IZUMO1: variants seen among roughly 807,000 people sequenced by gnomAD.
IZUMO1 encodes the protein izumo sperm-egg fusion protein 1.
In IZUMO1, 44 loss-of-function variants were observed where a neutral mutation model predicts 40.7. The ratio of observed to expected loss-of-function variants is 1.08; its 90% CI spans 0.85 to 1.39. IZUMO1 has a LOEUF of 1.39. Ranked by LOEUF, IZUMO1 falls within the 40% of genes most tolerant of loss-of-function variation. The probability of loss-of-function intolerance (pLI) is 0.00; values close to 1 mark genes in which losing one functional copy is unlikely to be tolerated. For missense variants in IZUMO1, 368 were observed against 436.9 expected (o/e 0.84, Z 1.41); for synonymous variants, 149 against 170.9 (o/e 0.87, Z 1.00).
intron 6 of IZUMO1, 62 bp from the exon 7 acceptor site, chr19:48,742,371 G>A (rs945376987): frequency 8.6e-7 from 1 of 1,158,536 alleles, no homozygotes; most frequent in Non-Finnish European, 1.3e-6. Flanking sequence ...TTTTTGAGAT[G>A]GAGACTCGCT....
At chr19:48,746,301 G>C (rs2033882740) in intron 1 of IZUMO1, 134 bp downstream of exon 1, 1 of 1,014,618 alleles carries the variant, frequency 9.9e-7, no homozygotes, top group Admixed American at 5.1e-5. Flanking sequence ...CAACACCGAG[G>C]CACTCCCCCG....
Position 48,745,867 on chromosome 19 carries a change from G to C in IZUMO1, c.-8C>G. ...GGTAAAATGCGGCCCCATTGCAGCC[G>C]GCGCGCACAGTTCCCGAAGACCGTT... On this transcript the variant is annotated 5_prime_UTR_variant, in exon 2 of 10. Transcript: ENST00000332955. The C allele has an allele frequency of 6.2e-7, 1 of 1,613,946 alleles. No individual in the cohort carries two copies. Among genetic ancestry groups the C allele is most frequent in the Non-Finnish European group, 8.5e-7 (1 of 1,179,936 alleles).
Position 48,746,630 on chromosome 19 carries a change from G to A in IZUMO1, c.-269C>T. On this transcript the variant is annotated 5_prime_UTR_variant, in exon 1 of 10. Coordinates refer to ENST00000332955, the MANE Select transcript of IZUMO1 (RefSeq NM_182575.3). The stretch of plus-strand genomic sequence containing the variant: ...CCCTAAACAGCCGCTCCCCGACCTT[G>A]GTTCCCGATTTGTGGCCTCTAACAC... 2.0e-6 allele frequency: 2 copies of A among 985,472 alleles called. No homozygotes were observed. Among genetic ancestry groups the A allele is most frequent in the Middle Eastern group, 1.0e-3 (2 of 1,914 alleles). 61.0% of individuals were successfully genotyped at this position (985,472 alleles called of 1,614,324 possible).
At position 48,744,467 on chromosome 19, in the gene IZUMO1, C is replaced by A. The variant is rs774644494; in HGVS notation, c.383G>T (p.Arg128Leu). ...TCTTCTCTCACCCTCTTTTTGGAATCGAGCAACATAGGTGGCAAAGGTTTC... is the reference window on the plus strand; with the variant it reads ...TCTTCTCTCACCCTCTTTTTGGAATAGAGCAACATAGGTGGCAAAGGTTTC... The part of the protein sequence containing the change: ...QKETFATYVA[R>L]FQKEAYCPNK... The change falls in exon 4 of 10, where the codon CGA becomes CTA. Residue 128 changes from arginine (R) to leucine (L), a missense_variant. Transcript: ENST00000332955. 7.4e-6 allele frequency: 12 copies of A among 1,613,066 alleles called. No homozygotes were observed. In the Admixed American group the frequency reaches 2.0e-4, roughly 27 times the overall value.
Position 48,742,209 on chromosome 19 carries a change from C to T in IZUMO1, c.600G>A (p.Arg200=), listed in dbSNP as rs1450281722. 1 of 1,609,836 alleles carries T rather than the reference C, an allele frequency of 6.2e-7. No homozygotes were observed. The highest frequency in any genetic ancestry group is 8.5e-7 in the Non-Finnish European group (1 of 1,176,136). Residue 200 remains arginine (R), a splice_region_variant and synonymous_variant, in exon 7 of 10, where the codon AGG becomes AGA. Coordinates refer to ENST00000332955, the MANE Select transcript of IZUMO1 (RefSeq NM_182575.3). ...GGGTTACAGAAGTTGAGGCCCTCAC[C>T]CTGTAAAAGCTGTAATCAGTGAGGC... ...SEGLTDYSFY[R]VWGNNTETLV...
At position 48,745,231 on chromosome 19, in the gene IZUMO1, G is replaced by A; in HGVS notation, c.293C>T (p.Thr98Ile). 2.5e-6 allele frequency: 4 copies of A among 1,613,926 alleles called. No homozygotes were observed. The highest frequency in any genetic ancestry group is 3.4e-6 in the Non-Finnish European group (4 of 1,179,852). Residue 98 changes from threonine to isoleucine, a missense_variant, in exon 3 of 10, where the codon ACA becomes ATA. Transcript: ENST00000332955. ...GCATTTACCTTTTACATCACTGTCT[G>A]TGATGCGTTTCAGATCCTTCAGCAA... is the stretch of plus-strand genomic sequence containing the variant. Reference protein sequence around the residue: ...WSLLKDLKRITDSDVKGDLFV... With the variant: ...WSLLKDLKRIIDSDVKGDLFV...
At chr19:48,743,014 G>A (rs1249597029) in intron 6 of IZUMO1, 1 of 160,612 alleles carries the variant, frequency 6.2e-6, no homozygotes, top group Non-Finnish European at 1.4e-5. Context: ...ACAGGCGTGA[G>A]CCAGCGCGCC....
chr19:48,741,635 A>G lies in IZUMO1; in HGVS notation c.754+154T>C. The G allele has an allele frequency of 8.0e-7, 1 of 1,244,616 alleles. No homozygotes were observed. The highest frequency in any genetic ancestry group is 1.1e-6 in the Non-Finnish European group (1 of 911,588). The allele number at this position is 1,244,616 out of a possible 1,614,324, so 77.1% of individuals were successfully genotyped here. ...CAAGGGAACCCCTGTCCTCGGGGCC[A>G]GAGGCCACGCCCCCGGCAGGAAGCC... On this transcript the variant is annotated intron_variant, in intron 8 of 9. Coordinates refer to ENST00000332955, the MANE Select transcript of IZUMO1 (RefSeq NM_182575.3). This position sits in a 1 kb window ranked among gnomAD's most constrained non-coding sequence, Gnocchi z 4.4.
chr19:48,741,168 C>T lies in IZUMO1; in HGVS notation c.932+133G>A, dbSNP rs891530873. On this transcript the variant is annotated intron_variant, in intron 9 of 9. Coordinates refer to ENST00000332955, the MANE Select transcript of IZUMO1 (RefSeq NM_182575.3). This position sits in a 1 kb window ranked among gnomAD's most constrained non-coding sequence, Gnocchi z 4.4. ...GCCCTTCGAAGTCCTCCTATTCAAG[C>T]CCCCCGCACTCCATCCCCAGGAAAG... 7.0e-7 allele frequency: 1 copy of T among 1,438,122 alleles called. No homozygotes were observed. Among genetic ancestry groups the T allele is most frequent in the Non-Finnish European group, 9.4e-7 (1 of 1,067,100 alleles). 89.1% of individuals were successfully genotyped at this position (1,438,122 alleles called of 1,614,324 possible).
intron 4 of IZUMO1, 116 bp from the exon 5 acceptor site, chr19:48,744,311 G>T: frequency 7.8e-7 from 1 of 1,280,774 alleles, no homozygotes; most frequent in Non-Finnish European, 1.1e-6. Flanking sequence ...TTTTGGGTTC[G>T]AGGGAGAAAA....
intron 3 of IZUMO1, 89 bp downstream of exon 3, chr19:48,745,125 C>T: frequency 9.0e-7 from 1 of 1,117,226 alleles, no homozygotes; most frequent in South Asian, 1.3e-5. Context: ...GGTCTGGGTC[C>T]ACAGCCTAGT....
chr19:48,742,134 G>T, intron 7 of IZUMO1, 75 bp downstream of exon 7: 1 of 1,494,946 alleles, frequency 6.7e-7, no homozygotes, highest in Non-Finnish European at 9.3e-7. Flanking sequence ...AGAATCGTGG[G>T]TGCAGGCCCA....
At position 48,744,538 on chromosome 19, in the gene IZUMO1, G is replaced by A. The variant is rs781599576; in HGVS notation, c.312C>T (p.Gly104=). The A allele has an allele frequency of 9.3e-6, 15 of 1,610,408 alleles. No individual in the cohort carries two copies. Among genetic ancestry groups the A allele is most frequent in the Admixed American group, 6.7e-5 (4 of 59,968 alleles). ...LKRITDSDVK[G]DLFVKELFWM... ...AAAATAGCTCCTTCACGAAGAGATCGCCTGGGAAGACACAGGAACCCCCAA... is the reference window on the plus strand; with the variant it reads ...AAAATAGCTCCTTCACGAAGAGATCACCTGGGAAGACACAGGAACCCCCAA... Residue 104 remains glycine (G), a splice_region_variant and synonymous_variant, in exon 4 of 10, where the codon GGC becomes GGT. Transcript: ENST00000332955.
chr19:48,744,383 G>A, intron 4 of IZUMO1, 70 bp downstream of exon 4: 1 of 1,318,706 alleles, frequency 7.6e-7, no homozygotes, highest in South Asian at 1.2e-5. Context: ...GAGAAGTAAG[G>A]GGCTGGAGAC....
chr19:48,742,067 C>T lies in IZUMO1; in HGVS notation c.601-125G>A, dbSNP rs376565626. The T allele has an allele frequency of 8.3e-5, 126 of 1,522,598 alleles. 2 individuals are homozygous for T. In the East Asian group the frequency reaches 1.1e-3, roughly 13 times the overall value. The allele number at this position is 1,522,598 out of a possible 1,614,324, so 94.3% of individuals were successfully genotyped here. On this transcript the variant is annotated intron_variant, in intron 7 of 9. Coordinates refer to ENST00000332955, the MANE Select transcript of IZUMO1 (RefSeq NM_182575.3). ...GTCCAGGGTGTCACTGGTCAGGGCA[C>T]GGGGTCCCCAGAGGTCTGTAGAGAC...
chr19:48,743,231 T>C (rs1568486892), intron 6 of IZUMO1: 3 of 577,740 alleles, frequency 5.2e-6, no homozygotes, highest in Non-Finnish European at 9.3e-6. Context: ...TCTCGCTATG[T>C]TGCCCAGGCT....
At chr19:48,745,393 G>T in intron 2 of IZUMO1, 105 bp from the exon 3 acceptor site, 1 of 1,127,106 alleles carries the variant, frequency 8.9e-7, no homozygotes, top group South Asian at 1.3e-5. Context: ...AGATAGGCCT[G>T]GTTAAGGACT....
Position 48,742,534 on chromosome 19 carries a change from G to T in IZUMO1, c.500-225C>A, listed in dbSNP as rs138867766. Among the ~76,000 whole-genome samples the T allele has an allele frequency of 9.7e-3, 1,472 of 151,940 alleles. 26 individuals are homozygous for T. The highest frequency in any genetic ancestry group is 0.033 in the African/African-American group (1,369 of 41,410). On this transcript the variant is annotated intron_variant, in intron 6 of 9. Transcript: ENST00000332955. The stretch of plus-strand genomic sequence containing the variant: ...GGCTAATTTTTGTATTTTTAGTAGA[G>T]ATGGGGTTTCACCATATTGGACAGG...
chr19:48,744,227 AAG>A (rs1479917616), intron 4 of IZUMO1, 32 bp from the exon 5 acceptor site: 1 of 1,604,830 alleles, frequency 6.2e-7, no homozygotes, highest in East Asian at 2.2e-5. Context: ...GAGAGCAAGA[AAG>A]AGATGACAGA....
Sources: allele counts gnomAD v4.1 joint callset (sites outside exome capture counted in the v4.1 genomes callset), GRCh38; gene constraint gnomAD v4.1.1; non-coding constraint Gnocchi (gnomAD v3.1); transcripts MANE v1.5; gene names NCBI Gene and HGNC (gene_info 2026-07-23, HGNC 2026-07-21).